The following RSL1D1 variants were observed in gnomAD, a reference collection of about 807,000 sequenced individuals.
RSL1D1 encodes the protein ribosomal L1 domain-containing protein 1.
A neutral mutation model predicts 44.6 loss-of-function variants in RSL1D1; 34 were observed. That is an observed-to-expected ratio of 0.76 (90% CI 0.58 to 1.02). The LOEUF (loss-of-function observed/expected upper bound fraction) is 1.02, where lower values mean the gene tolerates loss of function less well. Ranked by LOEUF, RSL1D1 falls within the 50% of genes least tolerant of loss-of-function variation. The pLI is 0.00. For missense variants in RSL1D1, 767 were observed against 568.1 expected (o/e 1.35, Z -3.56); for synonymous variants, 271 against 207.4 (o/e 1.31, Z -2.63).
At chr16:11,849,199 C>T (rs1458042362) in intron 2 of RSL1D1, 1 of 152,196 alleles carries the variant, frequency 6.6e-6, no homozygotes, top group Non-Finnish European at 1.5e-5. Flanking sequence ...GCCTGGAGAA[C>T]ACAGTGAAAC....
At chr16:11,845,347 G>T (rs1050993485) in intron 5 of RSL1D1, among the ~76,000 whole-genome samples, 1 of 152,310 alleles carries the variant, frequency 6.6e-6, no homozygotes, top group East Asian at 1.9e-4. Context: ...CAGCTACTCA[G>T]GAGGCTGAGG....
At position 11,839,995 on chromosome 16, in the gene RSL1D1, A is replaced by ACAT; in HGVS notation, c.856-11_856-10insATG. 6.2e-7 allele frequency: 1 copy of ACAT among 1,609,580 alleles called. No individual in the cohort carries two copies. The highest frequency in any genetic ancestry group is 8.5e-7 in the Non-Finnish European group (1 of 1,178,464). The stretch of plus-strand genomic sequence containing the variant: ...GTTTTCTCCTTGCCTCCTACCAAAA[A>ACAT]ACACCATACAAACATTTTAGCAGGA... On this transcript the variant is annotated splice_polypyrimidine_tract_variant and intron_variant, in intron 7 of 8. Transcript: ENST00000571133.
chr16:11,841,143 C>T (rs1277832560), intron 7 of RSL1D1, among the ~76,000 whole-genome samples: 1 of 152,228 alleles, frequency 6.6e-6, no homozygotes, highest in Non-Finnish European at 1.5e-5. Flanking sequence ...GGCATAGTAG[C>T]TCATGCCTGT....
Position 11,837,921 on chromosome 16 carries a change from C to A in RSL1D1, c.1339G>T (p.Gly447Trp), listed in dbSNP as rs2053733735. ...EAVKEKSPSL[G>W]KKDARQTPKK... Reference sequence around the variant, plus strand: ...GGAGTCTGTCTCGCATCTTTTTTCCCCAGCGAAGGACTTTTTTCCTTCACT... The same window carrying A: ...GGAGTCTGTCTCGCATCTTTTTTCCACAGCGAAGGACTTTTTTCCTTCACT... Residue 447 changes from glycine (G) to tryptophan (W), a missense_variant, in exon 9 of 9, where the codon GGG becomes TGG. Transcript: ENST00000571133. 1.2e-6 allele frequency: 2 copies of A among 1,613,776 alleles called. No homozygotes were observed. Among genetic ancestry groups the A allele is most frequent in the Non-Finnish European group, 1.7e-6 (2 of 1,179,998 alleles).
At chr16:11,843,172 T>C (rs541430153) in intron 5 of RSL1D1, among the ~76,000 whole-genome samples, 118 of 150,690 alleles carry the variant, frequency 7.8e-4, no homozygotes, top group Non-Finnish European at 1.4e-3. Flanking sequence ...CGACCTCAGG[T>C]GATCCGCCTG....
chr16:11,840,196 C>T (rs541669787), intron 7 of RSL1D1, among the ~76,000 whole-genome samples: 13 of 152,208 alleles, frequency 8.5e-5, no homozygotes, highest in Admixed American at 2.0e-4. Flanking sequence ...AATTATATAC[C>T]GGCATTTCAG....
Position 11,851,094 on chromosome 16 carries a change from T to C in RSL1D1, c.105+314A>G, listed in dbSNP as rs71383295. On this transcript the variant is annotated intron_variant, in intron 1 of 8. Coordinates refer to ENST00000571133, the MANE Select transcript of RSL1D1 (RefSeq NM_015659.3). Reference sequence around the variant, plus strand: ...CGAAGGGCCCACTTTAAATAACGGGTAACAGACCTGCAAAACTAAGCGATT... The same window carrying C: ...CGAAGGGCCCACTTTAAATAACGGGCAACAGACCTGCAAAACTAAGCGATT... 3.8e-3 allele frequency: 1,618 copies of C among 424,994 alleles called. 12 individuals are homozygous for C. The highest frequency in any genetic ancestry group is 0.01 in the South Asian group (474 of 47,382). 26.3% of individuals were successfully genotyped at this position (424,994 alleles called of 1,614,324 possible).
In RSL1D1 at chr16:11,836,079, G is replaced by T. The variant is rs2053715111; in HGVS notation, c.*1708C>A. ...CATCATCTCAAGTAGCAGAGCAAAT[G>T]CTAAACCATCACAGCTGTAAATCAT... On this transcript the variant is annotated 3_prime_UTR_variant, in exon 9 of 9. Coordinates refer to ENST00000571133, the MANE Select transcript of RSL1D1 (RefSeq NM_015659.3). 1 of 152,134 alleles carries T rather than the reference G, an allele frequency of 6.6e-6. No homozygotes were observed. Among genetic ancestry groups the T allele is most frequent in the Admixed American group, 6.5e-5 (1 of 15,270 alleles). 9.4% of individuals were successfully genotyped at this position (152,134 alleles called of 1,614,324 possible).
intron 5 of RSL1D1, among the ~76,000 whole-genome samples, chr16:11,845,780 G>A (rs955476278): frequency 6.6e-6 from 1 of 151,562 alleles, no homozygotes; most frequent in Non-Finnish European, 1.5e-5. Flanking sequence ...GGAGAACAGT[G>A]ACAAGAACAT....
Position 11,834,260 on chromosome 16 carries a change from G to A in RSL1D1, c.*3527C>T, listed in dbSNP as rs914448488. On this transcript the variant is annotated 3_prime_UTR_variant, in exon 9 of 9. Coordinates refer to ENST00000571133, the MANE Select transcript of RSL1D1 (RefSeq NM_015659.3). ...ATGGTATAAAAGCGATACATAATCA[G>A]TACAAACCATATACATACCACCATT... 6.6e-6 allele frequency: 1 copy of A among 152,196 alleles called. No individual in the cohort carries two copies. Among genetic ancestry groups the A allele is most frequent in the Non-Finnish European group, 1.5e-5 (1 of 68,040 alleles). The allele number at this position is 152,196 out of a possible 1,614,324, so 9.4% of individuals were successfully genotyped here. A position where few individuals can be genotyped will look rare whatever the true frequency, so the allele number is the denominator to read the frequency against.
chr16:11,847,000 A>T (rs1040043601), intron 3 of RSL1D1, among the ~76,000 whole-genome samples, 157 bp from the exon 4 acceptor site: 4 of 152,188 alleles, frequency 2.6e-5, no homozygotes, highest in African/African-American at 7.2e-5. Context: ...GCCAGGCACT[A>T]CGCTACATGC....
intron 5 of RSL1D1, among the ~76,000 whole-genome samples, chr16:11,842,701 T>G (rs1396577605): frequency 6.6e-6 from 1 of 151,788 alleles, no homozygotes; most frequent in Non-Finnish European, 1.5e-5. Context: ...AAGATTATCA[T>G]CTTTCATGTA....
At position 11,835,640 on chromosome 16, in the gene RSL1D1, T is replaced by C. The variant is rs2053711028; in HGVS notation, c.*2147A>G. The C allele has an allele frequency of 6.6e-6, 1 of 152,264 alleles. No individual in the cohort carries two copies. The highest frequency in any genetic ancestry group is 1.5e-5 in the Non-Finnish European group (1 of 68,156). 9.4% of individuals were successfully genotyped at this position (152,264 alleles called of 1,614,324 possible). A position where few individuals can be genotyped will look rare whatever the true frequency, so the allele number is the denominator to read the frequency against. On this transcript the variant is annotated 3_prime_UTR_variant, in exon 9 of 9. Transcript: ENST00000571133. ...TCCCAAGAAGCTGGGACCACAGGCA[T>C]GTTCCACCACACCCAGCTTATTTTT... is the stretch of plus-strand genomic sequence containing the variant.
intron 5 of RSL1D1, among the ~76,000 whole-genome samples, chr16:11,844,882 A>T (rs770790776): frequency 1.3e-5 from 2 of 152,122 alleles, no homozygotes; most frequent in Non-Finnish European, 2.9e-5. Flanking sequence ...CAATAATACA[A>T]ACTTAAGTCA....
chr16:11,848,512 CATA>C (rs1259143136), intron 2 of RSL1D1, among the ~76,000 whole-genome samples: 5 of 152,176 alleles, frequency 3.3e-5, no homozygotes, highest in African/African-American at 1.2e-4. Context: ...GCTCCATAAA[CATA>C]ATAACTCTTT....
chr16:11,848,038 G>T (rs996441845), intron 2 of RSL1D1, among the ~76,000 whole-genome samples: 4 of 152,098 alleles, frequency 2.6e-5, no homozygotes, highest in Non-Finnish European at 5.9e-5. Context: ...GATCACCTGA[G>T]GTCAGGAGTT....
At position 11,839,779 on chromosome 16, in the gene RSL1D1, T is replaced by C. The variant is rs1336475918; in HGVS notation, c.1062A>G (p.Gln354=). Residue 354 remains glutamine (Q), a synonymous_variant, in exon 8 of 9, where the codon CAA becomes CAG. Transcript: ENST00000571133. ...CTTCGGATTCATTTGTTGCTTTAAC[T>C]TGGGCTTTTCCTCTGCCACGTTTTT... ...GKKKRGRGKA[Q]VKATNESEDE... 6.2e-6 allele frequency: 10 copies of C among 1,614,078 alleles called. No homozygotes were observed. The highest frequency in any genetic ancestry group is 7.6e-6 in the Non-Finnish European group (9 of 1,180,050).
intron 5 of RSL1D1, among the ~76,000 whole-genome samples, chr16:11,842,963 C>G (rs1333900776): frequency 1.3e-5 from 2 of 149,772 alleles, no homozygotes; most frequent in Non-Finnish European, 3.0e-5. Context: ...CACTCGTTGC[C>G]CAGGCTGGAG....
rs1206764662 is a variant in RSL1D1, at chr16:11,836,652, C to T, written c.*1135G>A. On this transcript the variant is annotated 3_prime_UTR_variant, in exon 9 of 9. Coordinates refer to ENST00000571133, the MANE Select transcript of RSL1D1 (RefSeq NM_015659.3). ...GGAAGATAAATCATGTTCTTGCCTC[C>T]GGTAGGTAGGATTCAATTTAGTCCC... 6.6e-5 allele frequency: 10 copies of T among 152,122 alleles called. No individual in the cohort carries two copies. The highest frequency in any genetic ancestry group is 9.7e-5 in the African/African-American group (4 of 41,406). The allele number at this position is 152,122 out of a possible 1,614,324, so 9.4% of individuals were successfully genotyped here.
Sources: allele counts gnomAD v4.1 joint callset (sites outside exome capture counted in the v4.1 genomes callset), GRCh38; gene constraint gnomAD v4.1.1; transcripts MANE v1.5; gene names NCBI Gene and HGNC (gene_info 2026-07-23, HGNC 2026-07-21).